Variants in BPHL observed in about 807,000 individuals in gnomAD.
The protein encoded by BPHL is serine hydrolase BPHL.
A neutral mutation model predicts 31.2 loss-of-function variants in BPHL; 27 were observed. The observed-to-expected ratio is 0.87, with a 90% CI of 0.64 to 1.19. The LOEUF (loss-of-function observed/expected upper bound fraction) is 1.19, where lower values mean the gene tolerates loss of function less well. BPHL is among the 50% of genes most tolerant of loss of function. BPHL has a pLI of 0.00. For missense variants in BPHL, 356 were observed against 375.7 expected, an observed-to-expected ratio of 0.95 and a Z score of 0.43; for synonymous variants, 150 against 146.8, an observed-to-expected ratio of 1.02 and a Z score of -0.16.
intron 6 of BPHL, chr6:3,150,154 T>G (rs1762482429): frequency 2.0e-5 from 3 of 152,190 alleles, no homozygotes; most frequent in Non-Finnish European, 4.4e-5. Context: ...AAGTACGTAC[T>G]GGCACTCTGC....
chr6:3,147,655 T>C (rs1407582427), intron 6 of BPHL, among the ~76,000 whole-genome samples: 2 of 152,106 alleles, frequency 1.3e-5, no homozygotes, highest in Non-Finnish European at 2.9e-5. Flanking sequence ...TGTGTATGTA[T>C]ATATAGGTAG....
chr6:3,120,571 G>A (rs557610403), intron 1 of BPHL, among the ~76,000 whole-genome samples: 19 of 152,214 alleles, frequency 1.2e-4, no homozygotes, highest in Admixed American at 3.3e-4. Context: ...AAAAGGATTC[G>A]TGTAAAAACT....
chr6:3,127,012 C>A (rs937489368), intron 2 of BPHL: 5 of 341,082 alleles, frequency 1.5e-5, no homozygotes, highest in Middle Eastern at 7.4e-4. Context: ...CTCAGGCAGT[C>A]CGCCCGCCTC....
intron 1 of BPHL, among the ~76,000 whole-genome samples, chr6:3,120,625 T>C (rs1761543450): frequency 6.6e-6 from 1 of 152,190 alleles, no homozygotes. Context: ...TGACTTTTGT[T>C]CCAAAAACTT....
intron 6 of BPHL, among the ~76,000 whole-genome samples, chr6:3,144,631 A>G (rs936688867): frequency 1.3e-5 from 2 of 151,986 alleles, no homozygotes; most frequent in African/African-American, 2.4e-5. Context: ...GGCTCAAGCA[A>G]TCCTCCTGCC....
At chr6:3,146,812 T>TTGGAGTGCTGGTTCCGGC (rs1336741137) in intron 6 of BPHL, among the ~76,000 whole-genome samples, 1 of 134,348 alleles carries the variant, frequency 7.4e-6, no homozygotes, top group Non-Finnish European at 1.6e-5. Context: ...CTGGTTCGGG[T>TTGGAGTGCTGGTTCCGGC]TGGAGTGCTG....
chr6:3,120,904 C>T (rs572447761), intron 1 of BPHL, among the ~76,000 whole-genome samples: 1 of 152,278 alleles, frequency 6.6e-6, no homozygotes, highest in East Asian at 1.9e-4. Flanking sequence ...GGCCCCGGTG[C>T]CTGAGCCCTC....
intron 1 of BPHL, among the ~76,000 whole-genome samples, chr6:3,122,207 G>A (rs902785228): frequency 7.2e-5 from 11 of 152,332 alleles, no homozygotes; most frequent in African/African-American, 2.6e-4. Flanking sequence ...GTGAACCCGG[G>A]AGGTGGAACT....
At position 3,131,347 on chromosome 6, in the gene BPHL, G is replaced by A. The variant is rs561548713; in HGVS notation, c.532+2149G>A. On this transcript the variant is annotated intron_variant, in intron 4 of 6. Coordinates refer to ENST00000380379, the MANE Select transcript of BPHL (RefSeq NM_004332.4). ...TCAGTTCATGGCCTGCAGATGACCC[G>A]GCATCCAGGCAGAGTCCCAGATGCA... Among the ~76,000 whole-genome samples, 10 of 152,000 alleles carry A rather than the reference G, an allele frequency of 6.6e-5. No homozygotes were observed. In the South Asian group the frequency reaches 1.2e-3, roughly 19 times the overall value.
chr6:3,150,565 A>G (rs1246735980), intron 6 of BPHL, among the ~76,000 whole-genome samples: 1 of 152,210 alleles, frequency 6.6e-6, no homozygotes, highest in Non-Finnish European at 1.5e-5. Context: ...CAACTGAGCC[A>G]TGTGCTTAGC....
Position 3,152,627 on chromosome 6 carries a change from GCTGC to G in BPHL, c.*56_*59del. On this transcript the variant is annotated 3_prime_UTR_variant, in exon 7 of 7. Transcript: ENST00000380379. ...CCTTCGTGTGGGGCTTGATCGTGTT[GCTGC>G]CTGTTAACATGATGCCTTTGAAACT... 6.6e-7 allele frequency: 1 copy of G among 1,519,048 alleles called. No individual in the cohort carries two copies. Among genetic ancestry groups the G allele is most frequent in the Non-Finnish European group, 9.1e-7 (1 of 1,103,134 alleles). The allele number at this position is 1,519,048 out of a possible 1,614,324, so 94.1% of individuals were successfully genotyped here.
chr6:3,145,482 A>AGTGCTGGTTCGGGGTGGAGTGCTGG (rs1762313722), intron 6 of BPHL, among the ~76,000 whole-genome samples: 6 of 5,748 alleles, frequency 1.0e-3, no homozygotes, highest in African/African-American at 1.9e-3. Flanking sequence ...TTGAATGCTG[A>AGTGCTGGTTCGGGGTGGAGTGCTGG]TTCGGGGTGG....
chr6:3,143,886 T>C (rs9503407), intron 6 of BPHL, among the ~76,000 whole-genome samples: 21,570 of 152,058 alleles, frequency 0.14, 3,016 homozygotes, highest in African/African-American at 0.36. Context: ...AAACGATGAG[T>C]CCCTCGCCTC....
rs779775848 is a variant in BPHL, at chr6:3,153,504, A to T, written c.*929A>T. ...ATCACTCTGTACTAAAAGGACAGGA[A>T]TGTTATTAATTAAAACACTAAAGCA... is the stretch of plus-strand genomic sequence containing the variant. On this transcript the variant is annotated 3_prime_UTR_variant, in exon 7 of 7. Coordinates refer to ENST00000380379, the MANE Select transcript of BPHL (RefSeq NM_004332.4). 2.7e-5 allele frequency: 10 copies of T among 371,664 alleles called. No individual in the cohort carries two copies. Among genetic ancestry groups the T allele is most frequent in the Admixed American group, 1.8e-4 (4 of 22,824 alleles). 23.0% of individuals were successfully genotyped at this position (371,664 alleles called of 1,614,324 possible).
Position 3,152,405 on chromosome 6 carries a change from GT to G in BPHL, c.789-80del, listed in dbSNP as rs1762547500. On this transcript the variant is annotated intron_variant, in intron 6 of 6. Coordinates refer to ENST00000380379, the MANE Select transcript of BPHL (RefSeq NM_004332.4). ...AATGTGTTAATTTTTCACTTTAGAT[GT>G]TTGTGAAATGTTGGGGAGAGTGAGG... 98 of 1,186,964 alleles carry G rather than the reference GT, an allele frequency of 8.3e-5. No homozygotes were observed. The South Asian group carries it at 1.2e-3, about 14-fold the overall frequency. 73.5% of individuals were successfully genotyped at this position (1,186,964 alleles called of 1,614,324 possible).
At chr6:3,124,940 C>T (rs9503403) in intron 2 of BPHL, among the ~76,000 whole-genome samples, 2,955 of 152,258 alleles carry the variant, frequency 0.019, 82 homozygotes, top group African/African-American at 0.067. Flanking sequence ...GACACTGACT[C>T]TCATGGCTGA....
intron 2 of BPHL, chr6:3,124,273 A>C (rs1406980285): frequency 6.6e-6 from 1 of 152,152 alleles, no homozygotes; most frequent in African/African-American, 2.4e-5. Flanking sequence ...ACCCTCTCTC[A>C]ATATATGGGC....
chr6:3,152,377 G>A (rs968179995), intron 6 of BPHL, 111 bp from the exon 7 acceptor site: 1 of 872,842 alleles, frequency 1.1e-6, no homozygotes. Context: ...TGGTCATGGG[G>A]GAAATGTGTT....
chr6:3,137,274 G>T (rs1223953419), intron 4 of BPHL, 88 bp from the exon 5 acceptor site: 1 of 1,496,502 alleles, frequency 6.7e-7, no homozygotes, highest in Non-Finnish European at 9.1e-7. Flanking sequence ...GAGCGCATGG[G>T]CTCAGAAGTG....
Sources: gnomAD v4.1 joint callset for allele counts (sites outside exome capture counted in the v4.1 genomes callset) on GRCh38, gnomAD v4.1.1 for gene constraint, MANE v1.5 for transcripts, NCBI Gene and HGNC (gene_info 2026-07-23, HGNC 2026-07-21) for gene names.